SLC25A17: variants seen among roughly 807,000 people sequenced by gnomAD.
SLC25A17 encodes the protein solute carrier family 25 member 17, also known as peroxisomal membrane protein PMP34.
In SLC25A17, 26 loss-of-function variants were observed where a neutral mutation model predicts 38.5. The observed-to-expected ratio is 0.68, with a 90% CI of 0.50 to 0.94. SLC25A17 has a LOEUF of 0.94. Among genes scored for constraint, SLC25A17 ranks in the 40% least tolerant of loss-of-function variants. The pLI is 0.00. For missense variants in SLC25A17, 333 were observed against 372.7 expected (o/e 0.89, Z 0.88); for synonymous variants, 139 against 136.2 (o/e 1.02, Z -0.14).
chr22:40,777,391 G>C lies in SLC25A17; in HGVS notation c.452-18C>G. Reference sequence around the variant, plus strand: ...AAAAGCATCTAAGCAAGAAATCAGGGACTTTTGAAAAGCATGATCACAATC... The same window carrying C: ...AAAAGCATCTAAGCAAGAAATCAGGCACTTTTGAAAAGCATGATCACAATC... On this transcript the variant is annotated intron_variant, in intron 5 of 8. Transcript: ENST00000435456. The C allele has an allele frequency of 1.2e-6, 2 of 1,604,238 alleles. No homozygotes were observed. Among genetic ancestry groups the C allele is most frequent in the African/African-American group, 2.7e-5 (2 of 74,406 alleles).
chr22:40,793,039 T>C (rs576457485), intron 3 of SLC25A17, among the ~76,000 whole-genome samples: 2 of 150,234 alleles, frequency 1.3e-5, no homozygotes, highest in Non-Finnish European at 3.0e-5. Context: ...GAAGTAATTA[T>C]AGGAAATAAG....
At chr22:40,775,022 G>GC (rs1415788290) in intron 7 of SLC25A17, among the ~76,000 whole-genome samples, 1 of 151,828 alleles carries the variant, frequency 6.6e-6, no homozygotes, top group Non-Finnish European at 1.5e-5. Flanking sequence ...CTACTAGATT[G>GC]CCCCTGGCTT....
chr22:40,786,932 G>A (rs2057343494), intron 4 of SLC25A17, among the ~76,000 whole-genome samples: 1 of 152,194 alleles, frequency 6.6e-6, no homozygotes, highest in Non-Finnish European at 1.5e-5. Flanking sequence ...TACCTTCTAT[G>A]TACTAGGCAG....
rs764255524 is a variant in SLC25A17, at chr22:40,794,595, A to G, written c.116-15T>C. On this transcript the variant is annotated splice_polypyrimidine_tract_variant and intron_variant, in intron 2 of 8. Coordinates refer to ENST00000435456, the MANE Select transcript of SLC25A17 (RefSeq NM_006358.4). ...TTTCTCATCAACTACAAGACCAAAC[A>G]GTGCATGTTTATTTTATTAATTAAA... 2.6e-6 allele frequency: 4 copies of G among 1,560,844 alleles called. No individual in the cohort carries two copies. The highest frequency in any genetic ancestry group is 2.7e-5 in the African/African-American group (2 of 72,946).
At position 40,804,233 on chromosome 22, in the gene SLC25A17, G is replaced by C. The variant is rs148439299; in HGVS notation, c.55-5150C>G. Among the ~76,000 whole-genome samples the C allele has an allele frequency of 5.9e-4, 90 of 152,238 alleles. 1 individual carries two copies. Among genetic ancestry groups the C allele is most frequent in the African/African-American group, 2.1e-3 (87 of 41,536 alleles). On this transcript the variant is annotated intron_variant, in intron 1 of 8. Transcript: ENST00000435456. Reference sequence around the variant, plus strand: ...AAGGGAAGATTTCAGGGCCTCAGCTGGTTGAGGAATGGTAGAGACAATCCA... The same window carrying C: ...AAGGGAAGATTTCAGGGCCTCAGCTCGTTGAGGAATGGTAGAGACAATCCA...
At chr22:40,775,156 T>C (rs2057228419) in intron 7 of SLC25A17, among the ~76,000 whole-genome samples, 1 of 152,224 alleles carries the variant, frequency 6.6e-6, no homozygotes, top group Non-Finnish European at 1.5e-5. Context: ...CTTAAAGTGC[T>C]GAGGATAAAA....
chr22:40,784,955 T>A (rs944181645), intron 4 of SLC25A17, among the ~76,000 whole-genome samples: 1 of 152,230 alleles, frequency 6.6e-6, no homozygotes, highest in East Asian at 1.9e-4. Flanking sequence ...TGGCTGTTTC[T>A]GTACCTCACT....
chr22:40,799,157 G>T, intron 1 of SLC25A17, 74 bp from the exon 2 acceptor site: 3 of 1,149,192 alleles, frequency 2.6e-6, no homozygotes, highest in Admixed American at 1.9e-5. Flanking sequence ...TTTGAGACAG[G>T]ATCTTGCTCT....
intron 2 of SLC25A17, among the ~76,000 whole-genome samples, chr22:40,796,015 C>T (rs2145681236): frequency 6.6e-6 from 1 of 152,060 alleles, no homozygotes; most frequent in East Asian, 2.0e-4. Context: ...TCTTGAACTC[C>T]TGACCTCAGG....
chr22:40,781,725 AT>A (rs1190569856), intron 4 of SLC25A17, among the ~76,000 whole-genome samples: 2 of 152,066 alleles, frequency 1.3e-5, no homozygotes, highest in Non-Finnish European at 2.9e-5. Context: ...AACCAGTATA[AT>A]TTTATGAGTT....
chr22:40,793,559 C>A (rs1044281974), intron 3 of SLC25A17, among the ~76,000 whole-genome samples: 2 of 151,824 alleles, frequency 1.3e-5, no homozygotes, highest in Admixed American at 6.6e-5. Flanking sequence ...TAATGTATAA[C>A]CTCAATGGAA....
intron 1 of SLC25A17, among the ~76,000 whole-genome samples, chr22:40,806,167 G>A (rs1569411866): frequency 1.3e-5 from 2 of 152,178 alleles, no homozygotes; most frequent in African/African-American, 4.8e-5. Context: ...GCTGGAAGCA[G>A]TAAACAGATA....
intron 1 of SLC25A17, among the ~76,000 whole-genome samples, chr22:40,807,346 C>T (rs2057539373): frequency 6.6e-6 from 1 of 152,152 alleles, no homozygotes; most frequent in South Asian, 2.1e-4. Context: ...CAGCAATTTT[C>T]CTAAAGTCAG....
At chr22:40,814,589 C>T (rs534164365) in intron 1 of SLC25A17, among the ~76,000 whole-genome samples, 3 of 151,784 alleles carry the variant, frequency 2.0e-5, no homozygotes, top group Non-Finnish European at 4.4e-5. Flanking sequence ...TGAAATAACA[C>T]AATAAAAGTC....
chr22:40,771,056 G>A, intron 8 of SLC25A17, 75 bp from the exon 9 acceptor site: 1 of 1,285,938 alleles, frequency 7.8e-7, no homozygotes, highest in Non-Finnish European at 1.0e-6. Flanking sequence ...TAGCTACTTT[G>A]ATAAGAACAA....
At chr22:40,790,148 T>C (rs1156935306) in intron 4 of SLC25A17, among the ~76,000 whole-genome samples, 1 of 151,652 alleles carries the variant, frequency 6.6e-6, no homozygotes, top group Non-Finnish European at 1.5e-5. Context: ...GAGACCAGCC[T>C]GGCCAACATG....
At chr22:40,809,331 A>C (rs1464929680) in intron 1 of SLC25A17, among the ~76,000 whole-genome samples, 3 of 151,998 alleles carry the variant, frequency 2.0e-5, no homozygotes, top group East Asian at 1.9e-4. Flanking sequence ...TCTCTTTAAA[A>C]AAACAAACAA....
intron 2 of SLC25A17, chr22:40,798,303 C>G (rs2057448594): frequency 6.6e-6 from 1 of 152,432 alleles, no homozygotes; most frequent in African/African-American, 2.4e-5. Context: ...TACAGTCCAC[C>G]CTTTACCCTG....
At chr22:40,794,895 A>G (rs2057415363) in intron 2 of SLC25A17, among the ~76,000 whole-genome samples, 1 of 152,150 alleles carries the variant, frequency 6.6e-6, no homozygotes, top group African/African-American at 2.4e-5. Flanking sequence ...CTGGGATTAT[A>G]GGCATGAGCC....
Sources: gnomAD v4.1 joint callset for allele counts (sites outside exome capture counted in the v4.1 genomes callset) on GRCh38, gnomAD v4.1.1 for gene constraint, MANE v1.5 for transcripts, NCBI Gene and HGNC (gene_info 2026-07-23, HGNC 2026-07-21) for gene names.